Variants in GRIA4 observed in about 807,000 individuals in gnomAD.
GRIA4 encodes glutamate ionotropic receptor AMPA type subunit 4, also known as glutamate receptor 4.
A neutral mutation model predicts 104.0 loss-of-function variants in GRIA4; 34 were observed. The observed-to-expected ratio is 0.33, with a 90% CI of 0.25 to 0.44. The LOEUF is 0.44. GRIA4 is among the 20% of genes least tolerant of loss of function. The probability of loss-of-function intolerance (pLI) is 1.00; values close to 1 mark genes in which losing one functional copy is unlikely to be tolerated. For synonymous variants in GRIA4, 386 were observed against 381.9 expected (o/e 1.01, Z -0.13); for missense variants, 750 against 1,096.5 (o/e 0.68, Z 4.46).
At chr11:105,931,489 G>A (rs1041938477) in intron 13 of GRIA4, among the ~76,000 whole-genome samples, 6 of 152,120 alleles carry the variant, frequency 3.9e-5, no homozygotes, top group East Asian at 1.9e-4. Flanking sequence ...GATTACCTGA[G>A]CTCAGGAGTT....
At chr11:105,612,552 G>A (rs554661076) in intron 3 of GRIA4, 118 bp downstream of exon 3, 1 of 751,870 alleles carries the variant, frequency 1.3e-6, no homozygotes, top group Non-Finnish European at 2.1e-6. Context: ...ACAGTTGCCT[G>A]GTTTCAGGAC....
intron 4 of GRIA4, among the ~76,000 whole-genome samples, chr11:105,817,008 AACAGAG>A (rs1461763645): frequency 3.5e-3 from 1 of 288 alleles, no homozygotes; most frequent in African/African-American, 0.013. Flanking sequence ...TAACAAGTGA[AACAGAG>A]TGAAACCCTG....
intron 4 of GRIA4, among the ~76,000 whole-genome samples, chr11:105,768,703 A>T (rs562951499): frequency 2.0e-5 from 3 of 152,012 alleles, no homozygotes; most frequent in Non-Finnish European, 4.4e-5. Flanking sequence ...GGGCCTTCCT[A>T]CTATGAGTTA....
rs958677222 is a variant in GRIA4, at chr11:105,912,546, TTA to T, written c.1269+2014_1269+2015del. The T allele has an allele frequency of 2.8e-4, 69 of 245,974 alleles. 1 individual carries two copies. The highest frequency in any genetic ancestry group is 9.1e-4 in the South Asian group (6 of 6,588). The allele number at this position is 245,974 out of a possible 1,614,324, so 15.2% of individuals were successfully genotyped here. A position where few individuals can be genotyped will look rare whatever the true frequency, so the allele number is the denominator to read the frequency against. On this transcript the variant is annotated intron_variant, in intron 10 of 16. Coordinates refer to ENST00000282499, the MANE Select transcript of GRIA4 (RefSeq NM_000829.4). ...TATATATATATAAATATATATATAT[TTA>T]TATATATATATAAAGGATATTCTGT...
chr11:105,926,796 A>G lies in GRIA4; in HGVS notation c.1903A>G (p.Ile635Val), dbSNP rs759459110. Residue 635 changes from isoleucine (I) to valine (V), a missense_variant, in exon 13 of 17, where the codon ATA becomes GTA. Physicochemically the swap from Ile to Val is conservative, Grantham distance 29. This residue lies in a region of GRIA4 where 272 missense variants were observed against 524.5 expected (regional missense o/e 0.52). Coordinates refer to ENST00000282499, the MANE Select transcript of GRIA4 (RefSeq NM_000829.4). ...GVWWFFTLII[I>V]SSYTANLAAF... ...TTGGTGGTTCTTTACACTCATCATT[A>G]TATCATCTTATACTGCTAACCTCGC... 3.1e-6 allele frequency: 5 copies of G among 1,610,876 alleles called. No individual in the cohort carries two copies. The highest frequency in any genetic ancestry group is 4.2e-6 in the Non-Finnish European group (5 of 1,177,314).
intron 12 of GRIA4, among the ~76,000 whole-genome samples, chr11:105,926,058 G>A (rs1947695171): frequency 6.6e-6 from 1 of 151,922 alleles, no homozygotes; most frequent in South Asian, 2.1e-4. Context: ...AGATAACTTT[G>A]AGACATGGTT....
chr11:105,700,140 G>T lies in GRIA4; in HGVS notation c.248-52841G>T, dbSNP rs541519680. Among the ~76,000 whole-genome samples, 4 of 152,320 alleles carry T rather than the reference G, an allele frequency of 2.6e-5. No homozygotes were observed. In the East Asian group the frequency reaches 7.7e-4, roughly 29 times the overall value. Reference sequence around the variant, plus strand: ...TGGTAATACACGAAGAGTGCACATAGGTGCCACCTTAAGCATCCCTCTGGG... The same window carrying T: ...TGGTAATACACGAAGAGTGCACATATGTGCCACCTTAAGCATCCCTCTGGG... On this transcript the variant is annotated intron_variant, in intron 3 of 16. Transcript: ENST00000282499.
At chr11:105,854,501 T>A (rs1476056758) in intron 4 of GRIA4, among the ~76,000 whole-genome samples, 1 of 152,150 alleles carries the variant, frequency 6.6e-6, no homozygotes, top group African/African-American at 2.4e-5. Context: ...GTAAGTGGTA[T>A]GATCTGGCTT....
chr11:105,880,359 G>C (rs990938935), intron 5 of GRIA4, among the ~76,000 whole-genome samples: 1 of 152,200 alleles, frequency 6.6e-6, no homozygotes, highest in Non-Finnish European at 1.5e-5. Context: ...CTCTACAAGT[G>C]CTTTTCAATA....
intron 3 of GRIA4, among the ~76,000 whole-genome samples, chr11:105,703,049 G>A (rs908270167): frequency 6.6e-6 from 1 of 152,010 alleles, no homozygotes; most frequent in African/African-American, 2.4e-5. Flanking sequence ...TTGAACTTAG[G>A]CATGGATTCT....
intron 6 of GRIA4, among the ~76,000 whole-genome samples, chr11:105,891,245 G>A (rs1446210585): frequency 5.3e-5 from 8 of 152,070 alleles, no homozygotes; most frequent in Admixed American, 3.9e-4. Context: ...GATTTTTCAT[G>A]ACCTGATTCC....
chr11:105,939,035 C>T (rs982091482), intron 14 of GRIA4, among the ~76,000 whole-genome samples: 5 of 152,118 alleles, frequency 3.3e-5, no homozygotes, highest in South Asian at 4.1e-4. Context: ...AGGAAACAAA[C>T]GTTGCTTTTT....
chr11:105,844,903 G>A (rs905577933), intron 4 of GRIA4, among the ~76,000 whole-genome samples: 1 of 152,212 alleles, frequency 6.6e-6, no homozygotes, highest in Non-Finnish European at 1.5e-5. Context: ...CAGTAAACAG[G>A]AGCAGTATGG....
chr11:105,886,887 A>C (rs1318660770), intron 5 of GRIA4, among the ~76,000 whole-genome samples: 1 of 151,932 alleles, frequency 6.6e-6, no homozygotes, highest in Non-Finnish European at 1.5e-5. Flanking sequence ...AATTTCCTAA[A>C]CATTTCTGAA....
In GRIA4 at chr11:105,802,767, A is replaced by G. The variant is rs1383344711; in HGVS notation, c.487+49547A>G. Among the ~76,000 whole-genome samples the G allele has an allele frequency of 3.1e-5, 3 of 96,248 alleles. No individual in the cohort carries two copies. In the East Asian group the frequency reaches 8.4e-4, roughly 27 times the overall value. 63.1% of individuals were successfully genotyped at this position (96,248 alleles called of 152,430 possible). On this transcript the variant is annotated intron_variant, in intron 4 of 16. Transcript: ENST00000282499. ...TACAAGGTAGTTAATTACAAAGATT[A>G]TGTCATTGAAAAAAACAACATTTAT... is the stretch of plus-strand genomic sequence containing the variant.
At chr11:105,669,205 C>A (rs1448507285) in intron 3 of GRIA4, among the ~76,000 whole-genome samples, 1 of 151,894 alleles carries the variant, frequency 6.6e-6, no homozygotes, top group African/African-American at 2.4e-5. Flanking sequence ...CTAATTTAGA[C>A]CGCAATTTTT....
chr11:105,752,418 A>G (rs1398832871), intron 3 of GRIA4, among the ~76,000 whole-genome samples: 1 of 152,176 alleles, frequency 6.6e-6, no homozygotes, highest in Non-Finnish European at 1.5e-5. Context: ...GGAGACTCTA[A>G]GATTGTGATT....
At chr11:105,933,062 G>T (rs1425636647) in intron 13 of GRIA4, among the ~76,000 whole-genome samples, 1 of 151,404 alleles carries the variant, frequency 6.6e-6, no homozygotes, top group South Asian at 2.1e-4. Flanking sequence ...AACATAACAA[G>T]ATCCCATCTT....
chr11:105,653,502 T>C (rs1235551756), intron 3 of GRIA4, among the ~76,000 whole-genome samples: 1 of 152,162 alleles, frequency 6.6e-6, no homozygotes, highest in Non-Finnish European at 1.5e-5. Flanking sequence ...CTTCATCACA[T>C]GGCTAAGAAT....
Sources: gnomAD v4.1 joint callset for allele counts (sites outside exome capture counted in the v4.1 genomes callset) on GRCh38, gnomAD v4.1.1 for gene constraint, gnomAD v4.1.1 regional missense constraint, MANE v1.5 for transcripts, NCBI Gene and HGNC (gene_info 2026-07-23, HGNC 2026-07-21) for gene names.